GSDME: variants seen among roughly 807,000 people sequenced by gnomAD.
GSDME encodes the protein gasdermin-E.
In GSDME, 44 loss-of-function variants were observed where a neutral mutation model predicts 47.5. The observed-to-expected ratio is 0.93, with a 90% CI of 0.73 to 1.19. GSDME has a LOEUF of 1.19. Ranked by LOEUF, GSDME falls within the 50% of genes most tolerant of loss-of-function variation. The pLI, the probability that GSDME is intolerant of heterozygous loss-of-function variation, is 0.00. For missense variants in GSDME, 663 were observed against 604.2 expected (o/e 1.10, Z -1.02); for synonymous variants, 258 against 252.8 (o/e 1.02, Z -0.20).
chr7:24,744,890 T>C lies in GSDME; in HGVS notation c.212-136A>G. ...CACTCAGATGGAAAGCCGGCAGCCA[T>C]GCTGTGTGTGTGGGCAAGAAAACAG... On this transcript the variant is annotated intron_variant, in intron 2 of 9. Coordinates refer to ENST00000645220, the MANE Select transcript of GSDME (RefSeq NM_001127453.2). The surrounding 1 kb of genome is among the most constrained non-coding windows in gnomAD (Gnocchi z 4.5). 1.1e-6 allele frequency: 1 copy of C among 908,010 alleles called. No homozygotes were observed. Among genetic ancestry groups the C allele is most frequent in the Non-Finnish European group, 1.7e-6 (1 of 576,880 alleles). The allele number at this position is 908,010 out of a possible 1,614,324, so 56.2% of individuals were successfully genotyped here. A position where few individuals can be genotyped will look rare whatever the true frequency, so the allele number is the denominator to read the frequency against.
In GSDME at chr7:24,721,264, CAAAT is replaced by C. The variant is rs1181708275; in HGVS notation, c.405-2050_405-2047del. On this transcript the variant is annotated intron_variant, in intron 3 of 9. Transcript: ENST00000645220. This position sits in a 1 kb window ranked among gnomAD's most constrained non-coding sequence, Gnocchi z 4.1. ...TGTCTCATCTATTTTACCACAATAA[CAAAT>C]AGATAAGACATAGGAAAAACGGGTT... is the stretch of plus-strand genomic sequence containing the variant. Among the ~76,000 whole-genome samples the C allele has an allele frequency of 3.3e-5, 5 of 152,278 alleles. No individual in the cohort carries two copies. The highest frequency in any genetic ancestry group is 2.6e-4 in the Admixed American group (4 of 15,306).
In GSDME at chr7:24,705,007, C is replaced by G. The variant is rs1789036868; in HGVS notation, c.1183+1177G>C. ...CCAGCCAGTTGCAGAGAATTTGATG[C>G]TGTGTCTAGGCTCAAGTAGAAGGGG... On this transcript the variant is annotated intron_variant, in intron 8 of 9. Transcript: ENST00000645220. The surrounding 1 kb of genome is among the most constrained non-coding windows in gnomAD (Gnocchi z 4.1). 1 of 152,218 alleles carries G rather than the reference C, an allele frequency of 6.6e-6. No homozygotes were observed. The highest frequency in any genetic ancestry group is 6.6e-5 in the Admixed American group (1 of 15,262). The allele number at this position is 152,218 out of a possible 1,614,324, so 9.4% of individuals were successfully genotyped here.
chr7:24,736,770 CA>C lies in GSDME; in HGVS notation c.404+7791del, dbSNP rs1790319672. ...ATAGACCATATGTTAGGCCACAAAA[CA>C]AGTTTCAAAACATCCAAAAAATTGA... On this transcript the variant is annotated intron_variant, in intron 3 of 9. Transcript: ENST00000645220. The surrounding 1 kb of genome is among the most constrained non-coding windows in gnomAD (Gnocchi z 4.6). Among the ~76,000 whole-genome samples the C allele has an allele frequency of 6.6e-6, 1 of 152,164 alleles. No individual in the cohort carries two copies. The highest frequency in any genetic ancestry group is 6.5e-5 in the Admixed American group (1 of 15,278).
In GSDME at chr7:24,725,658, C is replaced by G. The variant is rs1476320079; in HGVS notation, c.405-6440G>C. ...GCATGCTCTGCTAATCAGATTGGAA[C>G]AAAATAGGATGGGGATTTTCACAGT... On this transcript the variant is annotated intron_variant, in intron 3 of 9. Coordinates refer to ENST00000645220, the MANE Select transcript of GSDME (RefSeq NM_001127453.2). The surrounding 1 kb of genome is among the most constrained non-coding windows in gnomAD (Gnocchi z 5.1). Among the ~76,000 whole-genome samples, 1 of 152,064 alleles carries G rather than the reference C, an allele frequency of 6.6e-6. No individual in the cohort carries two copies. The highest frequency in any genetic ancestry group is 1.5e-5 in the Non-Finnish European group (1 of 68,010).
chr7:24,751,759 C>A (rs1790867457), intron 1 of GSDME, among the ~76,000 whole-genome samples: 1 of 152,174 alleles, frequency 6.6e-6, no homozygotes, highest in Non-Finnish European at 1.5e-5. Context: ...TATTTATTTA[C>A]CAAATCATCA....
rs1365436979 is a variant in GSDME at position 24,754,025 on chromosome 7, T to A, written c.-20+3371A>T. On this transcript the variant is annotated intron_variant, in intron 1 of 9. Transcript: ENST00000645220. The surrounding 1 kb of genome is among the most constrained non-coding windows in gnomAD (Gnocchi z 5.0). ...TGCCCGACACAGACAAGCACAGTCA[T>A]GTCTCAGCCAAAAGTCAGACTCTGG... is the stretch of plus-strand genomic sequence containing the variant. Among the ~76,000 whole-genome samples, 1 of 152,190 alleles carries A rather than the reference T, an allele frequency of 6.6e-6. No homozygotes were observed. The highest frequency in any genetic ancestry group is 1.5e-5 in the Non-Finnish European group (1 of 68,042).
the GSDME span, among the ~76,000 whole-genome samples, chr7:24,783,647 T>C: frequency 3.9e-5 from 6 of 152,076 alleles, no homozygotes; most frequent in South Asian, 1.2e-3. Flanking sequence ...GCTAAGAGTA[T>C]GAATGGGTGG....
At chr7:24,780,607 G>A in the GSDME span, among the ~76,000 whole-genome samples, 1 of 152,178 alleles carries the variant, frequency 6.6e-6, no homozygotes, top group East Asian at 1.9e-4. The surrounding 1 kb of genome is among the most constrained non-coding windows in gnomAD (Gnocchi z 4.1). Context: ...CAACTTGAAT[G>A]TCATGTCTTC....
intron 1 of GSDME, 53 bp from the exon 2 acceptor site, chr7:24,749,846 T>G: frequency 8.1e-7 from 1 of 1,241,666 alleles, no homozygotes; most frequent in Non-Finnish European, 1.2e-6. Flanking sequence ...ATTTTGTGGC[T>G]TTTTTCCCTA....
Position 24,749,673 on chromosome 7 carries a change from T to TATCAGAAGCTGTAACTTTAC in GSDME, c.101_102insGTAAAGTTACAGCTTCTGAT (p.Ser35Ter), listed in dbSNP as rs770893793. On this transcript the variant is annotated stop_gained and frameshift_variant, in exon 2 of 10. Coordinates refer to ENST00000645220, the MANE Select transcript of GSDME (RefSeq NM_001127453.2). LOFTEE classifies it high-confidence loss of function. ...ATCTCTTCTTTTTTGTCACCAGACT[T>TATCAGAAGCTGTAACTTTAC]AGAAGCTGTAACTTATCAGAGTCAT... 1.9e-6 allele frequency: 3 copies of TATCAGAAGCTGTAACTTTAC among 1,613,996 alleles called. No homozygotes were observed. Among genetic ancestry groups the TATCAGAAGCTGTAACTTTAC allele is most frequent in the Non-Finnish European group, 2.5e-6 (3 of 1,179,996 alleles).
At chr7:24,707,065 G>A (rs1415547134) in intron 7 of GSDME, among the ~76,000 whole-genome samples, 1 of 152,228 alleles carries the variant, frequency 6.6e-6, no homozygotes, top group Non-Finnish European at 1.5e-5. Flanking sequence ...TCTCCCTGGA[G>A]CTGAGCTCCC....
chr7:24,753,753 A>G (rs2128067647), intron 1 of GSDME, among the ~76,000 whole-genome samples: 1 of 152,356 alleles, frequency 6.6e-6, no homozygotes, highest in Non-Finnish European at 1.5e-5. Context: ...ATTTTGTTGA[A>G]AGACTTTCTG....
chr7:24,787,052 G>T, the GSDME span, among the ~76,000 whole-genome samples: 5 of 152,114 alleles, frequency 3.3e-5, no homozygotes, highest in Admixed American at 2.0e-4. The surrounding 1 kb of genome is among the most constrained non-coding windows in gnomAD (Gnocchi z 5.0). Flanking sequence ...GCCTCCTCTG[G>T]TTCCCTTAAC....
chr7:24,764,028 G>C, the GSDME span, among the ~76,000 whole-genome samples: 3 of 152,222 alleles, frequency 2.0e-5, no homozygotes, highest in Non-Finnish European at 2.9e-5. This position sits in a 1 kb window ranked among gnomAD's most constrained non-coding sequence, Gnocchi z 4.4. Context: ...TACAGGGAGA[G>C]ACTGGTGATA....
chr7:24,793,433 T>G, the GSDME span, among the ~76,000 whole-genome samples: 1 of 152,206 alleles, frequency 6.6e-6, no homozygotes, highest in Non-Finnish European at 1.5e-5. Context: ...AACAAAATTT[T>G]TAAAAACCTT....
At chr7:24,723,356 C>T (rs1314795115) in intron 3 of GSDME, among the ~76,000 whole-genome samples, 2 of 152,126 alleles carry the variant, frequency 1.3e-5, no homozygotes, top group African/African-American at 2.4e-5. Context: ...ACGGTGTTCT[C>T]AGGTGCAGAC....
At chr7:24,731,634 G>T (rs778527999) in intron 3 of GSDME, among the ~76,000 whole-genome samples, 1 of 152,214 alleles carries the variant, frequency 6.6e-6, no homozygotes, top group African/African-American at 2.4e-5. Flanking sequence ...TATACTTATT[G>T]CAAGTGGTAA....
chr7:24,707,279 T>C (rs1265397272), intron 7 of GSDME: 1 of 467,780 alleles, frequency 2.1e-6, no homozygotes, highest in Non-Finnish European at 4.4e-6. Flanking sequence ...AAAACAAAAC[T>C]GTAGTCAAAA....
At chr7:24,706,143 AAGC>A (rs771989818) in intron 8 of GSDME, 38 bp downstream of exon 8, 2 of 1,609,468 alleles carry the variant, frequency 1.2e-6, no homozygotes, top group South Asian at 1.1e-5. Context: ...AAGCATTTTA[AAGC>A]AGCAGCAGCC....
Sources: gnomAD v4.1 joint callset for allele counts (sites outside exome capture counted in the v4.1 genomes callset) on GRCh38, gnomAD v4.1.1 for gene constraint, Gnocchi (gnomAD v3.1) non-coding constraint, MANE v1.5 for transcripts, NCBI Gene and HGNC (gene_info 2026-07-23, HGNC 2026-07-21) for gene names.